The following MYO3B variants were observed in gnomAD, a reference collection of about 807,000 sequenced individuals.
The protein encoded by MYO3B is myosin-IIIb.
MYO3B carries 156 observed loss-of-function variants against 174.6 expected under a neutral mutation model. That is an observed-to-expected ratio of 0.89 (90% CI 0.78 to 1.02). The LOEUF (loss-of-function observed/expected upper bound fraction) is 1.02, where lower values mean the gene tolerates loss of function less well. MYO3B is among the 50% of genes least tolerant of loss of function. The probability of loss-of-function intolerance (pLI) is 0.00; values close to 1 mark genes in which losing one functional copy is unlikely to be tolerated. For missense variants in MYO3B, 1,632 were observed against 1,639.4 expected (o/e 1.00, Z 0.08); for synonymous variants, 563 against 569.1 (o/e 0.99, Z 0.15).
At chr2:170,395,040 C>T (rs1035625671) in intron 16 of MYO3B, among the ~76,000 whole-genome samples, 14 of 152,122 alleles carry the variant, frequency 9.2e-5, no homozygotes, top group Non-Finnish European at 1.5e-5. Flanking sequence ...TTTCTCAAAC[C>T]CTTACAGCAA....
intron 28 of MYO3B, among the ~76,000 whole-genome samples, chr2:170,510,974 T>C (rs929019991): frequency 6.6e-6 from 1 of 152,226 alleles, no homozygotes; most frequent in African/African-American, 2.4e-5. Flanking sequence ...ATTTTATTCA[T>C]TTACCAGCTG....
In MYO3B at chr2:170,390,557, G is replaced by A. The variant is rs556115599; in HGVS notation, c.1578-963G>A. ...GGATAAACAACCAAAGGAAGATGAG[G>A]AGACCCAGGAGAGGCTGAACAGAAT... On this transcript the variant is annotated intron_variant, in intron 14 of 34. Coordinates refer to ENST00000408978, the MANE Select transcript of MYO3B (RefSeq NM_138995.5). Among the ~76,000 whole-genome samples the A allele has an allele frequency of 2.0e-5, 3 of 152,318 alleles. No individual in the cohort carries two copies. In the South Asian group the frequency reaches 6.2e-4, roughly 32 times the overall value.
At chr2:170,317,863 C>G (rs993600338) in intron 7 of MYO3B, among the ~76,000 whole-genome samples, 2 of 152,242 alleles carry the variant, frequency 1.3e-5, no homozygotes, top group South Asian at 4.1e-4. Context: ...GAGTTTTTAT[C>G]GTGATAAAAT....
intron 7 of MYO3B, among the ~76,000 whole-genome samples, chr2:170,251,168 CACGATTTACATTTACTGTCTTAT>C (rs1391831945): frequency 1.3e-5 from 2 of 152,070 alleles, no homozygotes; most frequent in East Asian, 3.9e-4. Context: ...TTTGTCCCTT[CACGATTTACATTTACTGTCTTAT>C]ACAGTTTCTT....
At chr2:170,499,617 G>A (rs1204767130) in intron 26 of MYO3B, 29 bp from the exon 27 acceptor site, 3 of 1,610,000 alleles carry the variant, frequency 1.9e-6, no homozygotes, top group Non-Finnish European at 2.5e-6. Context: ...GAACCCATAT[G>A]TAATGCTAAA....
intron 25 of MYO3B, among the ~76,000 whole-genome samples, chr2:170,486,926 C>T (rs1686104574): frequency 6.6e-6 from 1 of 152,232 alleles, no homozygotes; most frequent in Non-Finnish European, 1.5e-5. Context: ...CCCTTCTCCA[C>T]TTGATGGCAG....
At chr2:170,252,074 G>A (rs568263238) in intron 7 of MYO3B, among the ~76,000 whole-genome samples, 1 of 152,298 alleles carries the variant, frequency 6.6e-6, no homozygotes, top group South Asian at 2.1e-4. Flanking sequence ...ATAGTTCACC[G>A]TTCTTCCAAT....
At chr2:170,462,699 C>A (rs1347132841) in intron 23 of MYO3B, among the ~76,000 whole-genome samples, 3 of 152,284 alleles carry the variant, frequency 2.0e-5, no homozygotes, top group African/African-American at 7.2e-5. Context: ...CAAACCAAAG[C>A]AGGGTTTTTG....
At chr2:170,381,988 T>A in intron 9 of MYO3B, 28 bp from the exon 10 acceptor site, 1 of 1,586,652 alleles carries the variant, frequency 6.3e-7, no homozygotes, top group South Asian at 1.1e-5. Context: ...GCTGTCTTAA[T>A]GCTTAAACTC....
At chr2:170,355,743 C>T (rs2094115288) in intron 8 of MYO3B, among the ~76,000 whole-genome samples, 1 of 152,120 alleles carries the variant, frequency 6.6e-6, no homozygotes, top group Non-Finnish European at 1.5e-5. Flanking sequence ...AGCTTGGCAT[C>T]CACCTTTTCT....
intron 21 of MYO3B, 34 bp from the exon 22 acceptor site, chr2:170,407,681 T>A: frequency 6.2e-7 from 1 of 1,612,108 alleles, no homozygotes; most frequent in Non-Finnish European, 8.5e-7. Flanking sequence ...GACAGTTGAC[T>A]TGGCTAATTT....
At chr2:170,639,857 G>A (rs867464816) in intron 32 of MYO3B, among the ~76,000 whole-genome samples, 3 of 152,052 alleles carry the variant, frequency 2.0e-5, no homozygotes, top group Admixed American at 1.3e-4. Context: ...TGTTCTCTTG[G>A]AATAAGAGAA....
At chr2:170,469,050 C>T (rs1053545937) in intron 25 of MYO3B, among the ~76,000 whole-genome samples, 1 of 152,052 alleles carries the variant, frequency 6.6e-6, no homozygotes, top group Admixed American at 6.5e-5. Flanking sequence ...CCAGGAGAAT[C>T]GCTTGAACCC....
At chr2:170,588,009 G>C (rs1183895673) in intron 32 of MYO3B, among the ~76,000 whole-genome samples, 1 of 152,166 alleles carries the variant, frequency 6.6e-6, no homozygotes, top group Non-Finnish European at 1.5e-5. Flanking sequence ...ATATGGACAA[G>C]TCAATGTCAG....
chr2:170,334,265 T>C (rs1391924102), intron 7 of MYO3B: 1 of 152,206 alleles, frequency 6.6e-6, no homozygotes, highest in Non-Finnish European at 1.5e-5. Flanking sequence ...CATCTAGCCG[T>C]AAGGAACTCA....
intron 30 of MYO3B, among the ~76,000 whole-genome samples, chr2:170,523,491 A>G (rs1688808034): frequency 6.6e-6 from 1 of 152,120 alleles, no homozygotes; most frequent in Admixed American, 6.5e-5. Flanking sequence ...GGGTGGGCAG[A>G]GTAAGAAGAG....
intron 32 of MYO3B, among the ~76,000 whole-genome samples, chr2:170,550,412 A>G (rs942930856): frequency 2.0e-5 from 3 of 152,120 alleles, no homozygotes; most frequent in Non-Finnish European, 4.4e-5. Flanking sequence ...ATAGTTTCCA[A>G]TTCTGTGTGG....
At chr2:170,602,277 C>T (rs569590113) in intron 32 of MYO3B, 40 of 760,400 alleles carry the variant, frequency 5.3e-5, no homozygotes, top group African/African-American at 1.5e-4. Flanking sequence ...AGTGCCCGTC[C>T]GGCTCTCACT....
chr2:170,401,162 A>G (rs1287866671), intron 17 of MYO3B, among the ~76,000 whole-genome samples: 2 of 152,234 alleles, frequency 1.3e-5, no homozygotes, highest in Non-Finnish European at 2.9e-5. Context: ...AGGACATTTT[A>G]GGGCCTTTAA....
Sources: allele counts gnomAD v4.1 joint callset (sites outside exome capture counted in the v4.1 genomes callset), GRCh38; gene constraint gnomAD v4.1.1; transcripts MANE v1.5; gene names NCBI Gene and HGNC (gene_info 2026-07-23, HGNC 2026-07-21).